The following SPOCK3 variants were observed in gnomAD, a reference collection of about 807,000 sequenced individuals.
SPOCK3 encodes the protein testican-3.
A neutral mutation model predicts 56.6 loss-of-function variants in SPOCK3; 30 were observed. That is an observed-to-expected ratio of 0.53 (90% CI 0.40 to 0.72). The LOEUF (loss-of-function observed/expected upper bound fraction) is 0.72, where lower values mean the gene tolerates loss of function less well. Ranked by LOEUF, SPOCK3 falls within the 30% of genes least tolerant of loss-of-function variation. The probability of loss-of-function intolerance (pLI) is 0.00; values close to 1 mark genes in which losing one functional copy is unlikely to be tolerated. For missense variants in SPOCK3, 527 were observed against 530.0 expected (o/e 0.99, Z 0.06); for synonymous variants, 196 against 183.3 (o/e 1.07, Z -0.56).
chr4:167,036,832 C>G (rs149613238), intron 3 of SPOCK3, among the ~76,000 whole-genome samples: 181 of 151,616 alleles, frequency 1.2e-3, no homozygotes, highest in African/African-American at 3.9e-3. Flanking sequence ...TGTATGGATG[C>G]CCTCTAACGC....
At chr4:166,952,054 T>G (rs1399419788) in intron 4 of SPOCK3, among the ~76,000 whole-genome samples, 1 of 152,152 alleles carries the variant, frequency 6.6e-6, no homozygotes, top group Non-Finnish European at 1.5e-5. Context: ...ACCACTCCTA[T>G]TCAACATAGT....
chr4:166,846,582 A>C (rs1239467833), intron 6 of SPOCK3, among the ~76,000 whole-genome samples: 1 of 152,144 alleles, frequency 6.6e-6, no homozygotes, highest in Non-Finnish European at 1.5e-5. Flanking sequence ...CATTTTTGTC[A>C]GACAGTTGGT....
At chr4:167,056,235 C>T (rs934750634) in intron 3 of SPOCK3, among the ~76,000 whole-genome samples, 2 of 152,200 alleles carry the variant, frequency 1.3e-5, no homozygotes, top group Admixed American at 6.5e-5. Context: ...AGATCTGCAG[C>T]TGAGGGTCCT....
intron 6 of SPOCK3, among the ~76,000 whole-genome samples, 197 bp downstream of exon 6, chr4:166,888,933 A>G (rs1734478716): frequency 6.6e-6 from 1 of 152,040 alleles, no homozygotes; most frequent in South Asian, 2.1e-4. Flanking sequence ...CTATCAAAAT[A>G]AATAGAAATC....
At chr4:167,175,840 C>A (rs1730937993) in intron 2 of SPOCK3, among the ~76,000 whole-genome samples, 1 of 152,102 alleles carries the variant, frequency 6.6e-6, no homozygotes, top group African/African-American at 2.4e-5. Flanking sequence ...TCAGCCCCAG[C>A]AAACTAATAC....
intron 7 of SPOCK3, among the ~76,000 whole-genome samples, chr4:166,784,138 A>C (rs552206532): frequency 6.6e-6 from 1 of 152,274 alleles, no homozygotes; most frequent in South Asian, 2.1e-4. Flanking sequence ...GAAATGTTAA[A>C]AAATAGCCAA....
At chr4:167,108,206 G>C (rs1760339580) in intron 2 of SPOCK3, among the ~76,000 whole-genome samples, 1 of 151,844 alleles carries the variant, frequency 6.6e-6, no homozygotes, top group African/African-American at 2.4e-5. Context: ...ACTGTTGGTG[G>C]GAATGTAAAT....
chr4:166,954,648 A>G (rs1016946511), intron 4 of SPOCK3, among the ~76,000 whole-genome samples: 5 of 152,136 alleles, frequency 3.3e-5, no homozygotes, highest in African/African-American at 1.2e-4. Flanking sequence ...TCTCTATTCT[A>G]GTCCATTGGT....
At chr4:167,159,496 T>G (rs1409097130) in intron 2 of SPOCK3, among the ~76,000 whole-genome samples, 1 of 152,110 alleles carries the variant, frequency 6.6e-6, no homozygotes, top group Admixed American at 6.6e-5. Context: ...TCTGAAACTA[T>G]TCCAATCAAT....
chr4:167,060,194 C>G (rs1043026565), intron 3 of SPOCK3, among the ~76,000 whole-genome samples: 2 of 148,020 alleles, frequency 1.4e-5, no homozygotes, highest in African/African-American at 5.0e-5. Flanking sequence ...GACTTGAACA[C>G]AATGGAGTAC....
intron 4 of SPOCK3, among the ~76,000 whole-genome samples, chr4:166,914,859 T>A (rs182918291): frequency 6.6e-6 from 1 of 152,284 alleles, no homozygotes; most frequent in East Asian, 1.9e-4. Context: ...GTAAAATAGA[T>A]TTTGAAGTAA....
intron 3 of SPOCK3, among the ~76,000 whole-genome samples, chr4:167,012,545 A>G (rs1248173693): frequency 2.0e-5 from 3 of 151,850 alleles, no homozygotes; most frequent in African/African-American, 4.8e-5. Context: ...GCACTTGGGG[A>G]AAAAAATTAA....
chr4:167,119,153 A>G (rs954828502), intron 2 of SPOCK3, among the ~76,000 whole-genome samples: 1 of 150,338 alleles, frequency 6.7e-6, no homozygotes, highest in African/African-American at 2.4e-5. Context: ...AGGGGGGGGA[A>G]CACCATTTCC....
intron 6 of SPOCK3, among the ~76,000 whole-genome samples, chr4:166,800,258 T>G (rs1258912118): frequency 6.6e-6 from 1 of 150,658 alleles, no homozygotes; most frequent in Non-Finnish European, 1.5e-5. Flanking sequence ...AGAGGAATAT[T>G]CATGGTGCAT....
chr4:167,066,209 T>G lies in SPOCK3; in HGVS notation c.190-3672A>C, dbSNP rs192070033. On this transcript the variant is annotated intron_variant, in intron 2 of 10. Transcript: ENST00000357545. ...GCACTTTATTGAGCACACCTATGTATTGTAGAGCATAGTTTCTCAGCCTTG... is the reference window on the plus strand; with the variant it reads ...GCACTTTATTGAGCACACCTATGTAGTGTAGAGCATAGTTTCTCAGCCTTG... 3.9e-5 allele frequency among the ~76,000 whole-genome samples: 6 copies of G among 152,028 alleles called. 1 individual carries two copies. In the East Asian group the frequency reaches 1.2e-3, roughly 30 times the overall value.
intron 4 of SPOCK3, among the ~76,000 whole-genome samples, chr4:166,933,619 T>C (rs1375849505): frequency 6.6e-6 from 1 of 152,240 alleles, no homozygotes; most frequent in African/African-American, 2.4e-5. Context: ...CTGCTCATCT[T>C]ATAGCAAGGC....
intron 6 of SPOCK3, among the ~76,000 whole-genome samples, chr4:166,843,014 A>T (rs1747624933): frequency 6.6e-6 from 1 of 152,308 alleles, no homozygotes; most frequent in Admixed American, 6.5e-5. Context: ...GCGTGTCCCC[A>T]GTGGGCCGGC....
At chr4:166,762,950 A>G (rs1450683713) in intron 7 of SPOCK3, among the ~76,000 whole-genome samples, 2 of 152,140 alleles carry the variant, frequency 1.3e-5, no homozygotes, top group African/African-American at 4.8e-5. Context: ...TTGAGGTCTC[A>G]GAAGAATACT....
rs200929389 is a variant in SPOCK3, at chr4:166,889,171, G to T, written c.548C>A (p.Pro183His). Residue 183 changes from proline (P) to histidine (H), a missense_variant, in exon 6 of 11, where the codon CCT (proline) becomes CAT (histidine). Transcript: ENST00000357545. ...SVKCEGHCPC[P>H]SDKPTSTSRN... ...GCTTGTACTGGTGGGCTTATCTGAAGGACATGGGCAATGTCCTTCACATTT... is the reference window on the plus strand; with the variant it reads ...GCTTGTACTGGTGGGCTTATCTGAATGACATGGGCAATGTCCTTCACATTT... The T allele has an allele frequency of 4.3e-6, 7 of 1,611,872 alleles. No individual in the cohort carries two copies. In the African/African-American group the frequency reaches 9.4e-5, roughly 22 times the overall value.
Sources: allele counts gnomAD v4.1 joint callset (sites outside exome capture counted in the v4.1 genomes callset), GRCh38; gene constraint gnomAD v4.1.1; transcripts MANE v1.5; gene names NCBI Gene and HGNC (gene_info 2026-07-23, HGNC 2026-07-21).